LOC128462377: variants seen among roughly 807,000 people sequenced by gnomAD.
At chr16:89,335,899 A>C in the LOC128462377 span, among the ~76,000 whole-genome samples, 1 of 152,312 alleles carries the variant, frequency 6.6e-6, no homozygotes, top group South Asian at 2.1e-4. Context: ...ACACGCCAGC[A>C]GCTGACTGGC....
the LOC128462377 span, among the ~76,000 whole-genome samples, chr16:89,404,546 A>G: frequency 6.6e-6 from 1 of 152,364 alleles, no homozygotes; most frequent in African/African-American, 2.4e-5. Context: ...AGAGAAGAGA[A>G]GGAAAAGCTG....
chr16:89,339,096 G>A, the LOC128462377 span, among the ~76,000 whole-genome samples: 1 of 152,138 alleles, frequency 6.6e-6, no homozygotes, highest in African/African-American at 2.4e-5. Flanking sequence ...TGATGGGTGA[G>A]CGTTGCACCC....
At chr16:89,358,449 G>A in the LOC128462377 span, among the ~76,000 whole-genome samples, 2 of 152,186 alleles carry the variant, frequency 1.3e-5, no homozygotes, top group Non-Finnish European at 2.9e-5. Flanking sequence ...TTCCAGGTTG[G>A]GTTGGTAACT....
chr16:89,404,286 CAA>C, the LOC128462377 span, among the ~76,000 whole-genome samples: 1 of 152,118 alleles, frequency 6.6e-6, no homozygotes, highest in South Asian at 2.1e-4. Flanking sequence ...AAATCACCAG[CAA>C]AGACTCTGAG....
the LOC128462377 span, among the ~76,000 whole-genome samples, chr16:89,334,144 T>TAAAAAAAAAAAAAAAAAAAAAAAA: frequency 4.8e-5 from 2 of 41,416 alleles, no homozygotes; most frequent in African/African-American, 1.9e-4. Flanking sequence ...CCCTGTGTTT[T>TAAAAAAAAAAAAAAAAAAAAAAAA]AAAAAAAAAA....
chr16:89,404,641 A>G, the LOC128462377 span, among the ~76,000 whole-genome samples: 5 of 152,214 alleles, frequency 3.3e-5, no homozygotes, highest in African/African-American at 9.6e-5. Context: ...CGCAGTCACT[A>G]CTATGGATCC....
the LOC128462377 span, among the ~76,000 whole-genome samples, chr16:89,369,889 T>G: frequency 6.6e-6 from 1 of 152,184 alleles, no homozygotes; most frequent in Non-Finnish European, 1.5e-5. Context: ...TTCTTACATC[T>G]CATGTCATCT....
At chr16:89,401,143 G>C in the LOC128462377 span, among the ~76,000 whole-genome samples, 6 of 145,890 alleles carry the variant, frequency 4.1e-5, no homozygotes, top group Non-Finnish European at 1.5e-5. Context: ...GCTCAGGCTG[G>C]AGTGCAATGG....
the LOC128462377 span, among the ~76,000 whole-genome samples, chr16:89,351,048 C>T: frequency 6.6e-6 from 1 of 152,210 alleles, no homozygotes; most frequent in South Asian, 2.1e-4. Flanking sequence ...TCTCAGGATG[C>T]ATCCCCCGAC....
At chr16:89,377,807 T>C in the LOC128462377 span, among the ~76,000 whole-genome samples, 1 of 151,948 alleles carries the variant, frequency 6.6e-6, no homozygotes, top group African/African-American at 2.4e-5. Flanking sequence ...ACAAAGCACT[T>C]CGTAAGTTAC....
At chr16:89,335,487 G>GTA in the LOC128462377 span, among the ~76,000 whole-genome samples, 2 of 152,312 alleles carry the variant, frequency 1.3e-5, no homozygotes, top group South Asian at 4.1e-4. Context: ...AGTGGGTTAG[G>GTA]GCAGGTGCTC....
At chr16:89,402,882 G>A in the LOC128462377 span, among the ~76,000 whole-genome samples, 6 of 151,922 alleles carry the variant, frequency 3.9e-5, no homozygotes, top group East Asian at 1.9e-4. Context: ...AGGCTCTCCC[G>A]GGGGAAGGAG....
the LOC128462377 span, among the ~76,000 whole-genome samples, chr16:89,407,059 A>C: frequency 6.6e-6 from 1 of 152,086 alleles, no homozygotes; most frequent in African/African-American, 2.4e-5. Flanking sequence ...GGTGGCAGGC[A>C]TCTGTAACCC....
chr16:89,338,657 T>C, the LOC128462377 span, among the ~76,000 whole-genome samples: 1 of 132,100 alleles, frequency 7.6e-6, no homozygotes, highest in Non-Finnish European at 1.5e-5. Context: ...CCTGGGAAGC[T>C]GAGGTTGCAG....
At chr16:89,319,018 A>G in the LOC128462377 span, among the ~76,000 whole-genome samples, 1 of 152,340 alleles carries the variant, frequency 6.6e-6, no homozygotes, top group East Asian at 1.9e-4. Context: ...AGGCTGTTCA[A>G]GCTCATGGCT....
the LOC128462377 span, among the ~76,000 whole-genome samples, chr16:89,349,148 A>AAAAAAAAG: frequency 6.9e-6 from 1 of 144,402 alleles, no homozygotes; most frequent in Non-Finnish European, 1.5e-5. Context: ...AAAAAAAAAA[A>AAAAAAAAG]AAAAAAAAAA....
At chr16:89,365,232 T>G in the LOC128462377 span, among the ~76,000 whole-genome samples, 1 of 152,308 alleles carries the variant, frequency 6.6e-6, no homozygotes, top group Non-Finnish European at 1.5e-5. Context: ...CCAGAGCTGG[T>G]TTTTGTAGAA....
At chr16:89,330,340 G>A in the LOC128462377 span, among the ~76,000 whole-genome samples, 1 of 152,084 alleles carries the variant, frequency 6.6e-6, no homozygotes, top group African/African-American at 2.4e-5. Flanking sequence ...ACCTGGCTCA[G>A]GATGTGAGTC....
the LOC128462377 span, among the ~76,000 whole-genome samples, chr16:89,366,850 C>A: frequency 6.6e-6 from 1 of 152,236 alleles, no homozygotes; most frequent in African/African-American, 2.4e-5. Flanking sequence ...ACACTTTGGG[C>A]TTTGCAAGCC....
Sources: gnomAD v4.1 joint callset for allele counts (sites outside exome capture counted in the v4.1 genomes callset) on GRCh38, gnomAD v4.1.1 for gene constraint, MANE v1.5 for transcripts.